The following GRB2 variants were observed in gnomAD, a reference collection of about 807,000 sequenced individuals.
GRB2 encodes growth factor receptor-bound protein 2.
GRB2 carries 2 observed loss-of-function variants against 27.4 expected under a neutral mutation model. The observed-to-expected ratio is 0.07, with a 90% confidence interval of 0.03 to 0.23. The LOEUF (loss-of-function observed/expected upper bound fraction) is 0.23, where lower values mean the gene tolerates loss of function less well. GRB2 is among the 10% of genes least tolerant of loss of function. GRB2 has a pLI of 1.00. For synonymous variants in GRB2, 94 were observed against 99.6 expected (o/e 0.94, Z 0.33); for missense variants, 102 against 282.4 (o/e 0.36, Z 4.58).
intron 2 of GRB2, among the ~76,000 whole-genome samples, chr17:75,380,361 A>C (rs1037495992): frequency 6.6e-6 from 1 of 151,670 alleles, no homozygotes; most frequent in African/African-American, 2.4e-5. Flanking sequence ...AAAAAAAAAA[A>C]CTATTATAGA....
chr17:75,401,311 G>T (rs1417759819), intron 1 of GRB2, among the ~76,000 whole-genome samples: 1 of 151,508 alleles, frequency 6.6e-6, no homozygotes, highest in African/African-American at 2.4e-5. Context: ...CGGGCGCGGT[G>T]GCGGGCGCCT....
chr17:75,360,754 T>C (rs951323235), intron 2 of GRB2, among the ~76,000 whole-genome samples: 1 of 151,966 alleles, frequency 6.6e-6, no homozygotes, highest in Non-Finnish European at 1.5e-5. Flanking sequence ...AAAATAAGAG[T>C]CCTATGATGC....
chr17:75,370,253 T>C (rs1228415217), intron 2 of GRB2, among the ~76,000 whole-genome samples: 1 of 152,240 alleles, frequency 6.6e-6, no homozygotes, highest in Non-Finnish European at 1.5e-5. Context: ...TATTGGTGCC[T>C]TGTTGACTGA....
At chr17:75,324,489 T>C (rs1208730976) in intron 4 of GRB2, among the ~76,000 whole-genome samples, 4 of 134,726 alleles carry the variant, frequency 3.0e-5, no homozygotes, top group Non-Finnish European at 4.6e-5. Context: ...GGATTACAGG[T>C]GTGAGCCACC....
chr17:75,334,301 G>A (rs935206711), intron 2 of GRB2, among the ~76,000 whole-genome samples: 1 of 152,026 alleles, frequency 6.6e-6, no homozygotes, highest in African/African-American at 2.4e-5. Context: ...CTCCCGAGTG[G>A]CTGGGACTAC....
chr17:75,351,244 T>C (rs1369299), intron 2 of GRB2, among the ~76,000 whole-genome samples: 101,876 of 152,002 alleles, frequency 0.67, 39,327 homozygotes, highest in East Asian at 0.91. Flanking sequence ...TCCCTCCCTC[T>C]CAAAAGATTC....
At chr17:75,365,220 G>C (rs966683722) in intron 2 of GRB2, among the ~76,000 whole-genome samples, 1 of 152,142 alleles carries the variant, frequency 6.6e-6, no homozygotes, top group Admixed American at 6.5e-5. Context: ...TATGTTTACA[G>C]TGGGAAAAGT....
intron 2 of GRB2, among the ~76,000 whole-genome samples, chr17:75,333,627 G>T (rs559955678): frequency 6.6e-6 from 1 of 152,266 alleles, no homozygotes; most frequent in South Asian, 2.1e-4. Flanking sequence ...GTTACCGCAA[G>T]TACGGGTCAC....
chr17:75,357,746 C>CT (rs1173065203), intron 2 of GRB2, among the ~76,000 whole-genome samples: 2 of 152,180 alleles, frequency 1.3e-5, no homozygotes, highest in Non-Finnish European at 2.9e-5. Flanking sequence ...CATGGTGAAA[C>CT]TTTGTCTCTA....
intron 2 of GRB2, among the ~76,000 whole-genome samples, chr17:75,378,400 A>G (rs1037786959): frequency 2.0e-5 from 3 of 152,068 alleles, no homozygotes; most frequent in South Asian, 2.1e-4. Flanking sequence ...ACAAACAAAC[A>G]AACACCCAAA....
intron 2 of GRB2, among the ~76,000 whole-genome samples, chr17:75,337,483 G>A (rs959032398): frequency 1.3e-5 from 2 of 151,978 alleles, no homozygotes; most frequent in African/African-American, 2.4e-5. Flanking sequence ...TGAGGATGAG[G>A]CTGCACCTAC....
At chr17:75,371,105 T>TC (rs2078852357) in intron 2 of GRB2, 1 of 151,980 alleles carries the variant, frequency 6.6e-6, no homozygotes, top group African/African-American at 2.4e-5. Context: ...AGTCCAGGAG[T>TC]CCGAGACCAG....
chr17:75,394,322 CCAGGAGAG>C (rs1202553101), intron 1 of GRB2: 1 of 152,320 alleles, frequency 6.6e-6, no homozygotes, highest in African/African-American at 2.4e-5. Flanking sequence ...TGATCTGCTC[CCAGGAGAG>C]CAGGAGAAAG....
intron 2 of GRB2, among the ~76,000 whole-genome samples, chr17:75,355,036 G>A (rs62090323): frequency 1.3e-5 from 2 of 152,138 alleles, no homozygotes; most frequent in African/African-American, 2.4e-5. Flanking sequence ...TCGAACTCCT[G>A]ACCTCAGGTG....
At chr17:75,348,357 C>T (rs1238216312) in intron 2 of GRB2, among the ~76,000 whole-genome samples, 1 of 152,054 alleles carries the variant, frequency 6.6e-6, no homozygotes, top group Non-Finnish European at 1.5e-5. Context: ...ATTCTGTTTA[C>T]TATTAAAAGT....
intron 2 of GRB2, among the ~76,000 whole-genome samples, chr17:75,391,380 T>C (rs2078997248): frequency 6.6e-6 from 1 of 152,174 alleles, no homozygotes; most frequent in Admixed American, 6.5e-5. Context: ...TCTTCCCTAA[T>C]AATAGGATGG....
At chr17:75,356,661 C>T (rs371864158) in intron 2 of GRB2, among the ~76,000 whole-genome samples, 2 of 152,276 alleles carry the variant, frequency 1.3e-5, no homozygotes. Flanking sequence ...CGATTCCGCT[C>T]GTACCACTCT....
chr17:75,377,429 TG>T (rs1567871932), intron 2 of GRB2, among the ~76,000 whole-genome samples: 1 of 151,920 alleles, frequency 6.6e-6, no homozygotes, highest in Non-Finnish European at 1.5e-5. Flanking sequence ...GAGATCAGCC[TG>T]GGCAACATGG....
chr17:75,331,194 G>C (rs1301832203), intron 3 of GRB2, among the ~76,000 whole-genome samples: 1 of 152,226 alleles, frequency 6.6e-6, no homozygotes, highest in African/African-American at 2.4e-5. Context: ...CAATATGGTA[G>C]ACCTGAATAA....
Sources: gnomAD v4.1 joint callset for allele counts (sites outside exome capture counted in the v4.1 genomes callset) on GRCh38, gnomAD v4.1.1 for gene constraint, MANE v1.5 for transcripts, NCBI Gene and HGNC (gene_info 2026-07-23, HGNC 2026-07-21) for gene names.